Variants in ADGRV1 observed in about 807,000 individuals in gnomAD.
ADGRV1 encodes the protein adhesion G protein-coupled receptor V1.
In ADGRV1, 359 loss-of-function variants were observed where a neutral mutation model predicts 596.2. That is an observed-to-expected ratio of 0.60 (90% CI 0.55 to 0.66). The LOEUF is 0.66. ADGRV1 is among the 30% of genes least tolerant of loss of function. The pLI is 0.00. For synonymous variants in ADGRV1, 2,681 were observed against 2,679.2 expected (o/e 1.00, Z -0.02); for missense variants, 7,274 against 7,575.6 (o/e 0.96, Z 1.48).
At chr5:90,931,192 G>A (rs904293295) in intron 83 of ADGRV1, 1 of 152,232 alleles carries the variant, frequency 6.6e-6, no homozygotes, top group Admixed American at 6.5e-5. Context: ...TGGAGAAAGA[G>A]AATGAAACAG....
At chr5:91,014,586 G>T (rs1216727092) in intron 85 of ADGRV1, among the ~76,000 whole-genome samples, 1 of 150,938 alleles carries the variant, frequency 6.6e-6, no homozygotes, top group East Asian at 2.0e-4. Context: ...TTATTGGTCT[G>T]TTCAGGGAAT....
intron 83 of ADGRV1, among the ~76,000 whole-genome samples, chr5:90,870,501 G>GA (rs1483169908): frequency 2.0e-5 from 3 of 152,156 alleles, no homozygotes; most frequent in African/African-American, 7.2e-5. Flanking sequence ...GCCAAAGAAG[G>GA]AAAAAGGTTT....
At chr5:90,938,282 A>T (rs1233465835) in intron 83 of ADGRV1, among the ~76,000 whole-genome samples, 1 of 152,200 alleles carries the variant, frequency 6.6e-6, no homozygotes, top group Admixed American at 6.5e-5. Flanking sequence ...TTCTTTCCTT[A>T]CATCCATGTT....
chr5:90,704,818 CTT>C (rs138905827), intron 36 of ADGRV1, among the ~76,000 whole-genome samples: 4 of 145,890 alleles, frequency 2.7e-5, no homozygotes, highest in Admixed American at 6.8e-5. Context: ...CAAATTTAGT[CTT>C]TTTTTTTTTG....
chr5:90,697,918 A>C (rs1360857417), intron 34 of ADGRV1, among the ~76,000 whole-genome samples: 1 of 152,174 alleles, frequency 6.6e-6, no homozygotes, highest in Non-Finnish European at 1.5e-5. Context: ...GTGTACTTGG[A>C]CATCTATTTA....
intron 85 of ADGRV1, among the ~76,000 whole-genome samples, chr5:91,026,575 G>A (rs954735325): frequency 1.3e-5 from 2 of 152,042 alleles, no homozygotes; most frequent in African/African-American, 4.8e-5. Flanking sequence ...TTCAGTTATG[G>A]AGGGAAAGTG....
intron 50 of ADGRV1, 119 bp downstream of exon 50, chr5:90,729,883 T>TG (rs1752318589): frequency 5.4e-6 from 5 of 930,174 alleles, no homozygotes; most frequent in African/African-American, 5.0e-5. Context: ...TTTTTTTTTT[T>TG]GGAGATGGGG....
chr5:90,603,931 C>T (rs944363641), intron 1 of ADGRV1, among the ~76,000 whole-genome samples: 5 of 143,646 alleles, frequency 3.5e-5, no homozygotes, highest in South Asian at 2.3e-4. Flanking sequence ...CACACATGCA[C>T]GCTCACCACC....
chr5:90,728,858 A>T lies in ADGRV1; in HGVS notation c.10351A>T (p.Ser3451Cys). Residue 3451 changes from serine to cysteine, a missense_variant, in exon 49 of 90, where the codon AGT becomes TGT. Physicochemically the swap from Ser to Cys is moderately radical, Grantham distance 112 (BLOSUM62 -1). Coordinates refer to ENST00000405460, the MANE Select transcript of ADGRV1 (RefSeq NM_032119.4). ...GFINFQEVPVSGTTEVEALSS... is the reference protein window; with the variant it reads ...GFINFQEVPVCGTTEVEALSS... ...TATTAACTTTCAAGAGGTGCCTGTC[A>T]GTGGGACAACAGAAGTTGAGGCTTT... 6.2e-7 allele frequency: 1 copy of T among 1,613,754 alleles called. No individual in the cohort carries two copies.
chr5:90,620,398 C>G (rs374124486), intron 4 of ADGRV1, among the ~76,000 whole-genome samples: 2 of 152,224 alleles, frequency 1.3e-5, no homozygotes, highest in South Asian at 4.2e-4. Flanking sequence ...ATAAATGTCT[C>G]CTTTTGAGAA....
Position 90,745,235 on chromosome 5 carries a change from A to G in ADGRV1, c.10739A>G (p.Tyr3580Cys), listed in dbSNP as rs1230210663. The change falls in exon 51 of 90, where the codon TAC (tyrosine) becomes TGC (cysteine). Residue 3580 changes from tyrosine (Y) to cysteine (C), a missense_variant. Tyr to Cys is a radical substitution (Grantham distance 194). Around this residue, in one of 5 missense-constraint regions of ADGRV1, gnomAD observed 3,643 missense variants for 3,809.2 expected, o/e 0.96. Coordinates refer to ENST00000405460, the MANE Select transcript of ADGRV1 (RefSeq NM_032119.4). The part of the protein sequence containing the change: ...GAHSHIYELA[Y>C]ISSHSDFIPS... ...CATTCACATATATATGAGCTAGCCT[A>G]CATTTCCAGCCATTCTGACTTTATT... 1.2e-6 allele frequency: 2 copies of G among 1,602,892 alleles called. No individual in the cohort carries two copies. Among genetic ancestry groups the G allele is most frequent in the South Asian group, 1.1e-5 (1 of 89,278 alleles).
intron 48 of ADGRV1, among the ~76,000 whole-genome samples, chr5:90,728,389 G>A (rs183241501): frequency 1.3e-5 from 2 of 152,210 alleles, no homozygotes; most frequent in Admixed American, 6.5e-5. Flanking sequence ...TTACCCAGAT[G>A]TACATTTGAT....
intron 83 of ADGRV1, among the ~76,000 whole-genome samples, chr5:90,944,460 A>G (rs550629787): frequency 1.1e-4 from 17 of 152,300 alleles, no homozygotes; most frequent in Middle Eastern, 3.4e-3. Flanking sequence ...CCTGGTTTTG[A>G]AGAGAGAATT....
At chr5:90,593,734 GA>G (rs1759852514) in intron 1 of ADGRV1, among the ~76,000 whole-genome samples, 1 of 150,838 alleles carries the variant, frequency 6.6e-6, no homozygotes, top group Admixed American at 6.6e-5. Flanking sequence ...GAAACCCATT[GA>G]AATAAAAAAA....
At chr5:90,980,885 G>A (rs1317762128) in intron 84 of ADGRV1, among the ~76,000 whole-genome samples, 3 of 152,104 alleles carry the variant, frequency 2.0e-5, no homozygotes, top group Non-Finnish European at 4.4e-5. Context: ...GAATACAACA[G>A]GTCCTCAAGT....
intron 25 of ADGRV1, among the ~76,000 whole-genome samples, chr5:90,677,390 A>C (rs1165404107): frequency 1.3e-5 from 2 of 152,118 alleles, no homozygotes; most frequent in Non-Finnish European, 2.9e-5. Flanking sequence ...AAACAGTAGA[A>C]ATGTGCTGTC....
chr5:91,078,637 G>A (rs985294243), intron 86 of ADGRV1, among the ~76,000 whole-genome samples: 17 of 152,250 alleles, frequency 1.1e-4, no homozygotes, highest in African/African-American at 3.1e-4. Context: ...AGACCACCAC[G>A]GTGGTAGAAA....
chr5:90,705,598 T>C lies in ADGRV1; in HGVS notation c.8566+19T>C. On this transcript the variant is annotated intron_variant, in intron 37 of 89. Transcript: ENST00000405460. The stretch of plus-strand genomic sequence containing the variant: ...TCTCTAGGTTTGTGTTACTCTAGAA[T>C]GAATGGGGTTTCCAGGCAAGTGCTT... 1 of 1,599,636 alleles carries C rather than the reference T, an allele frequency of 6.3e-7. No individual in the cohort carries two copies. Among genetic ancestry groups the C allele is most frequent in the East Asian group, 2.2e-5 (1 of 44,752 alleles).
At chr5:90,679,882 A>T (rs1470272945) in intron 26 of ADGRV1, among the ~76,000 whole-genome samples, 1 of 152,118 alleles carries the variant, frequency 6.6e-6, no homozygotes, top group East Asian at 1.9e-4. Context: ...TATGAACCTA[A>T]TGTAGTTTCC....
Sources: gnomAD v4.1 joint callset for allele counts (sites outside exome capture counted in the v4.1 genomes callset) on GRCh38, gnomAD v4.1.1 for gene constraint, gnomAD v4.1.1 regional missense constraint, MANE v1.5 for transcripts, NCBI Gene and HGNC (gene_info 2026-07-23, HGNC 2026-07-21) for gene names.